The following SCMH1 variants were observed in gnomAD, a reference collection of about 807,000 sequenced individuals.
SCMH1 encodes the protein Scm polycomb group protein homolog 1, also known as polycomb protein SCMH1.
In SCMH1, 37 loss-of-function variants were observed where a neutral mutation model predicts 70.8. The observed-to-expected ratio is 0.52, with a 90% CI of 0.40 to 0.69. The LOEUF (loss-of-function observed/expected upper bound fraction) is 0.69, where lower values mean the gene tolerates loss of function less well. Ranked by LOEUF, SCMH1 falls within the 30% of genes least tolerant of loss-of-function variation. The pLI is 0.00. For synonymous variants in SCMH1, 292 were observed against 307.4 expected (o/e 0.95, Z 0.52); for missense variants, 607 against 827.3 (o/e 0.73, Z 3.27).
chr1:41,070,675 G>A, exon 10 of SCMH1: 2 of 1,614,150 alleles, frequency 1.2e-6, no homozygotes, highest in Non-Finnish European at 1.7e-6. Flanking sequence ...AGGAGTGCTG[G>A]TTGTTGGTGA....
intron 1 of SCMH1, among the ~76,000 whole-genome samples, chr1:41,241,322 C>T (rs1211341505): frequency 2.0e-5 from 3 of 152,262 alleles, no homozygotes; most frequent in African/African-American, 7.2e-5. Flanking sequence ...CGGGCTGGCA[C>T]ACAACTGTGC....
chr1:41,087,104 A>C (rs1199794295), intron 8 of SCMH1, among the ~76,000 whole-genome samples: 1 of 152,156 alleles, frequency 6.6e-6, no homozygotes, highest in Non-Finnish European at 1.5e-5. Flanking sequence ...ATATGATAAA[A>C]GCAGTATCTC....
At chr1:41,149,082 T>C (rs752397036) in intron 5 of SCMH1, among the ~76,000 whole-genome samples, 20 of 152,164 alleles carry the variant, frequency 1.3e-4, no homozygotes, top group Non-Finnish European at 2.8e-4. Flanking sequence ...TGAGACACCA[T>C]GCCCAGCTGT....
At chr1:41,211,627 A>G (rs558664435) in intron 1 of SCMH1, among the ~76,000 whole-genome samples, 1 of 152,328 alleles carries the variant, frequency 6.6e-6, no homozygotes, top group Admixed American at 6.5e-5. Flanking sequence ...AGGGATCTAG[A>G]AGTAGAAATA....
At chr1:41,084,154 C>T (rs1169105288) in intron 8 of SCMH1, among the ~76,000 whole-genome samples, 1 of 152,176 alleles carries the variant, frequency 6.6e-6, no homozygotes, top group Non-Finnish European at 1.5e-5. Flanking sequence ...AGAGCTTCTG[C>T]ACAGCAAAAG....
At chr1:41,214,925 A>T (rs1389095294) in intron 1 of SCMH1, among the ~76,000 whole-genome samples, 1 of 152,178 alleles carries the variant, frequency 6.6e-6, no homozygotes, top group East Asian at 1.9e-4. Context: ...GGAAAATGAA[A>T]GCGCTTCTTC....
intron 4 of SCMH1, among the ~76,000 whole-genome samples, chr1:41,160,256 T>C (rs1391277319): frequency 2.6e-5 from 4 of 152,172 alleles, no homozygotes; most frequent in Admixed American, 2.0e-4. Context: ...CTATGTAACA[T>C]ATAAAAGGAT....
chr1:41,034,685 T>A (rs927032871), intron 13 of SCMH1, among the ~76,000 whole-genome samples: 3 of 152,024 alleles, frequency 2.0e-5, no homozygotes, highest in African/African-American at 7.3e-5. Context: ...CTTTCACACC[T>A]CACTCATGCG....
At chr1:41,198,484 G>A (rs984013656) in intron 1 of SCMH1, among the ~76,000 whole-genome samples, 3 of 152,208 alleles carry the variant, frequency 2.0e-5, no homozygotes, top group Non-Finnish European at 4.4e-5. Context: ...AGCAGAAGAA[G>A]TAACTTCCTC....
chr1:41,054,869 G>A (rs187071948), intron 10 of SCMH1, among the ~76,000 whole-genome samples: 6 of 152,108 alleles, frequency 3.9e-5, no homozygotes, highest in Admixed American at 1.3e-4. Context: ...CTGCCACCTC[G>A]GCCTCCAGGG....
At chr1:41,239,215 C>G (rs1334608415) in intron 1 of SCMH1, among the ~76,000 whole-genome samples, 1 of 152,198 alleles carries the variant, frequency 6.6e-6, no homozygotes. Context: ...CAACTCATCA[C>G]TTATTGTTAT....
At chr1:41,235,085 G>T (rs772430073) in intron 1 of SCMH1, among the ~76,000 whole-genome samples, 1 of 152,046 alleles carries the variant, frequency 6.6e-6, no homozygotes, top group Non-Finnish European at 1.5e-5. Flanking sequence ...AATGCATTTT[G>T]AATATATTTC....
chr1:41,172,034 A>G (rs1646813368), intron 2 of SCMH1, among the ~76,000 whole-genome samples: 1 of 152,140 alleles, frequency 6.6e-6, no homozygotes, highest in Admixed American at 6.5e-5. Flanking sequence ...TCTACAAAAA[A>G]TACAAAAAGT....
intron 1 of SCMH1, among the ~76,000 whole-genome samples, chr1:41,228,460 G>A (rs1428471316): frequency 6.6e-6 from 1 of 152,058 alleles, no homozygotes; most frequent in Admixed American, 6.6e-5. Context: ...CATTCTATAA[G>A]CTACATTAAG....
intron 6 of SCMH1, among the ~76,000 whole-genome samples, chr1:41,117,749 G>GTC (rs1032469088): frequency 2.0e-5 from 3 of 151,952 alleles, no homozygotes; most frequent in East Asian, 3.9e-4. Flanking sequence ...GGCGTAAGCT[G>GTC]TCTCTCTCTC....
At chr1:41,089,809 T>TTTTTTTTTTTTTA (rs869028738) in intron 8 of SCMH1, among the ~76,000 whole-genome samples, 1 of 138,524 alleles carries the variant, frequency 7.2e-6, no homozygotes. Context: ...TTTTTTTTTT[T>TTTTTTTTTTTTTA]GAGACAGAGT....
chr1:41,042,655 C>T lies in SCMH1; in HGVS notation c.1498+3752G>A, dbSNP rs534265599. Among the ~76,000 whole-genome samples the T allele has an allele frequency of 2.0e-5, 3 of 152,234 alleles. No individual in the cohort carries two copies. The South Asian group carries it at 6.2e-4, about 32-fold the overall frequency. On this transcript the variant is annotated intron_variant, in intron 12 of 14. Coordinates refer to ENST00000337495, the Ensembl canonical transcript of SCMH1. ...TCCCCCAGGAATCCTCCCTTGACTT[C>T]TTCTTTTACCATACTCCTTGCTCAT...
intron 12 of SCMH1, among the ~76,000 whole-genome samples, chr1:41,045,139 A>G (rs1303007863): frequency 6.6e-6 from 1 of 152,136 alleles, no homozygotes; most frequent in African/African-American, 2.4e-5. Context: ...GACCAGCTCT[A>G]CCATGCCCAG....
intron 1 of SCMH1, among the ~76,000 whole-genome samples, chr1:41,196,707 A>G (rs2148697904): frequency 6.6e-6 from 1 of 152,338 alleles, no homozygotes; most frequent in East Asian, 1.9e-4. Context: ...ACTGGACTTC[A>G]CCAAAATGAA....
Sources: allele counts gnomAD v4.1 joint callset (sites outside exome capture counted in the v4.1 genomes callset), GRCh38; gene constraint gnomAD v4.1.1; transcripts MANE v1.5; gene names NCBI Gene and HGNC (gene_info 2026-07-23, HGNC 2026-07-21).